SNN: variants seen among roughly 807,000 people sequenced by gnomAD.
SNN encodes the protein stannin, also known as AG8_1.
A neutral mutation model predicts 5.3 loss-of-function variants in SNN; 5 were observed. The observed-to-expected ratio is 0.94, with a 90% confidence interval of 0.49 to 1.97. The LOEUF is 1.97. SNN is among the 30% of genes most tolerant of loss of function. The pLI, the probability that SNN is intolerant of heterozygous loss-of-function variation, is 0.01. For missense variants in SNN, 127 were observed against 121.6 expected (o/e 1.04, Z -0.21); for synonymous variants, 67 against 52.1 (o/e 1.29, Z -1.24).
At chr16:11,670,418 G>T (rs2050259703) in intron 1 of SNN, among the ~76,000 whole-genome samples, 1 of 152,210 alleles carries the variant, frequency 6.6e-6, no homozygotes, top group African/African-American at 2.4e-5. Context: ...AGGGGTGTTT[G>T]TGGCACTGGG....
rs2050309152 is a variant in SNN at position 11,676,998 on chromosome 16, AGTTCT to A, written c.*676_*680del. On this transcript the variant is annotated 3_prime_UTR_variant, in exon 2 of 2. Transcript: ENST00000329565. ...TGCATAGACTCACTTGTTAAATAGC[AGTTCT>A]GTTGAGAGTGGAGTTACTGCAGGGA... The A allele has an allele frequency of 6.0e-6, 1 of 167,214 alleles. No homozygotes were observed. The highest frequency in any genetic ancestry group is 2.4e-5 in the African/African-American group (1 of 41,444). The allele number at this position is 167,214 out of a possible 1,614,324, so 10.4% of individuals were successfully genotyped here.
chr16:11,673,716 A>C (rs2050280408), intron 1 of SNN, among the ~76,000 whole-genome samples: 1 of 152,202 alleles, frequency 6.6e-6, no homozygotes, highest in South Asian at 2.1e-4. Context: ...GGGCAGGGGC[A>C]ACTGCCTGGG....
chr16:11,675,247 C>CTT (rs71136677), intron 1 of SNN, among the ~76,000 whole-genome samples: 1 of 136,790 alleles, frequency 7.3e-6, no homozygotes, highest in Non-Finnish European at 1.6e-5. Context: ...ATTTCTTTTT[C>CTT]TTTTTTTTTT....
At position 11,672,077 on chromosome 16, in the gene SNN, A is replaced by AC. The variant is rs934678576; in HGVS notation, c.-86+3544dup. Among the ~76,000 whole-genome samples, 9 of 147,804 alleles carry AC rather than the reference A, an allele frequency of 6.1e-5. No individual in the cohort carries two copies. Among genetic ancestry groups the AC allele is most frequent in the East Asian group, 1.9e-4 (1 of 5,142 alleles). ...TCTGGGAGTGCCCTGAGTGTCAGGG[A>AC]CCCCCCCACCTATGATCCCCCTGAG... On this transcript the variant is annotated intron_variant, in intron 1 of 1. Transcript: ENST00000329565. This position sits in a 1 kb window ranked among gnomAD's most constrained non-coding sequence, Gnocchi z 6.0.
rs1258553491 is a variant in SNN at position 11,678,892 on chromosome 16, C to G, written c.*2566C>G. ...GAAATTAAGCATTCATCCTTCGTATCACTGCAGAAGCAACAGTGGGGGCAC... is the reference window on the plus strand; with the variant it reads ...GAAATTAAGCATTCATCCTTCGTATGACTGCAGAAGCAACAGTGGGGGCAC... On this transcript the variant is annotated 3_prime_UTR_variant, in exon 2 of 2. Coordinates refer to ENST00000329565, the MANE Select transcript of SNN (RefSeq NM_003498.6). The G allele has an allele frequency of 2.9e-6, 1 of 343,372 alleles. No individual in the cohort carries two copies. The highest frequency in any genetic ancestry group is 5.6e-6 in the Non-Finnish European group (1 of 179,238). The allele number at this position is 343,372 out of a possible 1,614,324, so 21.3% of individuals were successfully genotyped here.
intron 1 of SNN, 52 bp from the exon 2 acceptor site, chr16:11,675,923 T>C (rs1198463299): frequency 1.1e-5 from 10 of 904,594 alleles, no homozygotes; most frequent in Non-Finnish European, 1.6e-5. Context: ...CGATTAAAAA[T>C]AGACCCCGTG....
At position 11,672,517 on chromosome 16, in the gene SNN, G is replaced by A. The variant is rs2050272163; in HGVS notation, c.-85-3458G>A. 6.6e-6 allele frequency among the ~76,000 whole-genome samples: 1 copy of A among 152,198 alleles called. No individual in the cohort carries two copies. On this transcript the variant is annotated intron_variant, in intron 1 of 1. Transcript: ENST00000329565. The surrounding 1 kb of genome is among the most constrained non-coding windows in gnomAD (Gnocchi z 6.0). ...GGTGTGGGGACGCCTGGGGAGGCAG[G>A]GAGCTTGGATTCTCTTTGGTGCTGG...
At chr16:11,669,688 G>A (rs1188350278) in intron 1 of SNN, among the ~76,000 whole-genome samples, 1 of 152,178 alleles carries the variant, frequency 6.6e-6, no homozygotes, top group Non-Finnish European at 1.5e-5. Context: ...AAGTTGTTTG[G>A]CCAAACAGGC....
In SNN at chr16:11,676,068, T is replaced by G; in HGVS notation, c.9T>G (p.Ile3Met). 6.2e-7 allele frequency: 1 copy of G among 1,604,908 alleles called. No individual in the cohort carries two copies. The highest frequency in any genetic ancestry group is 1.3e-5 in the African/African-American group (1 of 74,888). The part of the protein sequence containing the change: MS[I>M]MDHSPTTGVV... ...AGCCCCCAGCACTGACCATGTCTATTATGGACCACAGCCCCACCACGGGCG... is the reference window on the plus strand; with the variant it reads ...AGCCCCCAGCACTGACCATGTCTATGATGGACCACAGCCCCACCACGGGCG... Residue 3 changes from isoleucine to methionine, a missense_variant, in exon 2 of 2, where the codon ATT becomes ATG. Transcript: ENST00000329565.
At chr16:11,669,249 C>T (rs1206139205) in intron 1 of SNN, among the ~76,000 whole-genome samples, 2 of 152,130 alleles carry the variant, frequency 1.3e-5, no homozygotes, top group Non-Finnish European at 2.9e-5. Flanking sequence ...GGCACCGCGC[C>T]TGCCACGCCG....
rs1367185735 is a variant in SNN, at chr16:11,677,030, G to T, written c.*704G>T. The T allele has an allele frequency of 1.3e-4, 22 of 167,192 alleles. No individual in the cohort carries two copies. The highest frequency in any genetic ancestry group is 7.3e-5 in the Non-Finnish European group (5 of 68,194). The allele number at this position is 167,192 out of a possible 1,614,324, so 10.4% of individuals were successfully genotyped here. A position where few individuals can be genotyped will look rare whatever the true frequency, so the allele number is the denominator to read the frequency against. The stretch of plus-strand genomic sequence containing the variant: ...TTGAGAGTGGAGTTACTGCAGGGAA[G>T]CTACCGGACCTGCCTGGGAGCCAGT... On this transcript the variant is annotated 3_prime_UTR_variant, in exon 2 of 2. Coordinates refer to ENST00000329565, the MANE Select transcript of SNN (RefSeq NM_003498.6). This position sits in a 1 kb window ranked among gnomAD's most constrained non-coding sequence, Gnocchi z 4.2.
In SNN at chr16:11,676,963, C is replaced by T. The variant is rs1295478150; in HGVS notation, c.*637C>T. The T allele has an allele frequency of 6.0e-6, 1 of 167,678 alleles. No individual in the cohort carries two copies. The highest frequency in any genetic ancestry group is 1.5e-5 in the Non-Finnish European group (1 of 68,540). 10.4% of individuals were successfully genotyped at this position (167,678 alleles called of 1,614,324 possible). A position where few individuals can be genotyped will look rare whatever the true frequency, so the allele number is the denominator to read the frequency against. ...GAAAAACCACACCCCCCGCACCCCT[C>T]CGTTCTTTCTGCATAGACTCACTTG... On this transcript the variant is annotated 3_prime_UTR_variant, in exon 2 of 2. Transcript: ENST00000329565.
At chr16:11,673,171 G>A (rs2050276928) in intron 1 of SNN, among the ~76,000 whole-genome samples, 1 of 152,110 alleles carries the variant, frequency 6.6e-6, no homozygotes, top group South Asian at 2.1e-4. Flanking sequence ...GTGTAGACAG[G>A]CTCACCCAGC....
Position 11,676,184 on chromosome 16 carries a change from G to C in SNN, c.125G>C (p.Ser42Thr). 1.2e-6 allele frequency: 2 copies of C among 1,614,256 alleles called. No homozygotes were observed. The highest frequency in any genetic ancestry group is 2.2e-5 in the South Asian group (2 of 91,088). The change falls in exon 2 of 2, where the codon AGC (serine) becomes ACC (threonine). Residue 42 changes from serine (S) to threonine (T), a missense_variant. Coordinates refer to ENST00000329565, the MANE Select transcript of SNN (RefSeq NM_003498.6). ...TGCTACCTGCGGCTGCAGCGCATCA[G>C]CCAGTCAGAGGACGAGGAGAGCATC... ...CWCYLRLQRI[S>T]QSEDEESIVG...
Position 11,671,695 on chromosome 16 carries a change from C to CT in SNN, c.-86+3156dup, listed in dbSNP as rs2050266856. ...CCAAGCTGTGGCCCGTCCCTGTCCCCTGCATCCTGTGGGCTTTACTGGATC... is the reference window on the plus strand; with the variant it reads ...CCAAGCTGTGGCCCGTCCCTGTCCCCTTGCATCCTGTGGGCTTTACTGGATC... On this transcript the variant is annotated intron_variant, in intron 1 of 1. Coordinates refer to ENST00000329565, the MANE Select transcript of SNN (RefSeq NM_003498.6). This position sits in a 1 kb window ranked among gnomAD's most constrained non-coding sequence, Gnocchi z 4.7. Among the ~76,000 whole-genome samples the CT allele has an allele frequency of 6.6e-6, 1 of 152,232 alleles. No homozygotes were observed. Among genetic ancestry groups the CT allele is most frequent in the Admixed American group, 6.5e-5 (1 of 15,276 alleles).
At position 11,678,143 on chromosome 16, in the gene SNN, G is replaced by A. The variant is rs2050323354; in HGVS notation, c.*1817G>A. On this transcript the variant is annotated 3_prime_UTR_variant, in exon 2 of 2. Coordinates refer to ENST00000329565, the MANE Select transcript of SNN (RefSeq NM_003498.6). ...GCAAGTTCAGAAGAGGTGGTGGTGG[G>A]GTAGGCGTGATGTCAGCAGAAGCCC... 1 of 167,172 alleles carries A rather than the reference G, an allele frequency of 6.0e-6. No homozygotes were observed. Among genetic ancestry groups the A allele is most frequent in the Non-Finnish European group, 1.5e-5 (1 of 68,208 alleles). The allele number at this position is 167,172 out of a possible 1,614,324, so 10.4% of individuals were successfully genotyped here. A position where few individuals can be genotyped will look rare whatever the true frequency, so the allele number is the denominator to read the frequency against.
chr16:11,676,233 A>G lies in SNN; in HGVS notation c.174A>G (p.Glu58=). The G allele has an allele frequency of 6.2e-7, 1 of 1,614,032 alleles. No homozygotes were observed. The highest frequency in any genetic ancestry group is 8.5e-7 in the Non-Finnish European group (1 of 1,180,010). The change falls in exon 2 of 2, where the codon GAA becomes GAG. Residue 58 remains glutamate (E), a synonymous_variant. Coordinates refer to ENST00000329565, the MANE Select transcript of SNN (RefSeq NM_003498.6). Reference sequence around the variant, plus strand: ...TCGTGGGGGATGGGGAGACCAAGGAACCCTTCCTGCTGGTGCAGTATTCGG... The same window carrying G: ...TCGTGGGGGATGGGGAGACCAAGGAGCCCTTCCTGCTGGTGCAGTATTCGG... ...ESIVGDGETK[E]PFLLVQYSAK... is the part of the protein sequence containing the mutation.
intron 1 of SNN, among the ~76,000 whole-genome samples, chr16:11,673,259 T>C (rs960315927): frequency 2.0e-5 from 3 of 151,452 alleles, no homozygotes; most frequent in Non-Finnish European, 4.4e-5. Flanking sequence ...CTAAGTGGGG[T>C]TGTGGAACCG....
chr16:11,669,364 A>T (rs932339421), intron 1 of SNN, among the ~76,000 whole-genome samples: 2 of 152,192 alleles, frequency 1.3e-5, no homozygotes, highest in South Asian at 4.1e-4. Context: ...ACTGGGGTTC[A>T]CCTGTCCGCG....
Sources: gnomAD v4.1 joint callset for allele counts (sites outside exome capture counted in the v4.1 genomes callset) on GRCh38, gnomAD v4.1.1 for gene constraint, Gnocchi (gnomAD v3.1) non-coding constraint, MANE v1.5 for transcripts, NCBI Gene and HGNC (gene_info 2026-07-23, HGNC 2026-07-21) for gene names.